The following FOXP1 variants were observed in gnomAD, a reference collection of about 807,000 sequenced individuals.
FOXP1 encodes the protein forkhead box protein P1.
In FOXP1, 15 loss-of-function variants were observed where a neutral mutation model predicts 98.2. The ratio of observed to expected loss-of-function variants is 0.15; its 90% confidence interval spans 0.10 to 0.24. The LOEUF is 0.24. FOXP1 is among the 10% of genes least tolerant of loss of function. The probability of loss-of-function intolerance (pLI) is 1.00; values close to 1 mark genes in which losing one functional copy is unlikely to be tolerated. For missense variants in FOXP1, 633 were observed against 848.5 expected (o/e 0.75, Z 3.15); for synonymous variants, 371 against 314.5 (o/e 1.18, Z -1.90).
chr3:71,558,802 C>CTTTTTTTTT (rs35405702), intron 2 of FOXP1, among the ~76,000 whole-genome samples: 40 of 117,540 alleles, frequency 3.4e-4, no homozygotes, highest in African/African-American at 1.3e-3. Context: ...CCGATTCTCA[C>CTTTTTTTTT]TTTTTTTTTT....
chr3:71,343,368 C>G (rs758273901), intron 4 of FOXP1, among the ~76,000 whole-genome samples: 5 of 152,052 alleles, frequency 3.3e-5, no homozygotes, highest in African/African-American at 4.8e-5. Context: ...TCAGGTGCTA[C>G]TGACGATGCC....
intron 4 of FOXP1, among the ~76,000 whole-genome samples, chr3:71,314,530 A>ATAT (rs1553839965): frequency 2.4e-4 from 34 of 143,382 alleles, no homozygotes; most frequent in South Asian, 6.6e-4. Flanking sequence ...CCGTCTAAAA[A>ATAT]ATATATATAT....
intron 6 of FOXP1, among the ~76,000 whole-genome samples, chr3:71,139,380 T>C (rs778406202): frequency 1.6e-4 from 24 of 152,056 alleles, no homozygotes; most frequent in Non-Finnish European, 3.1e-4. Flanking sequence ...GCTTTAGGTA[T>C]AGAAATGATA....
chr3:71,275,014 G>A (rs775548566), intron 5 of FOXP1, among the ~76,000 whole-genome samples: 3 of 152,146 alleles, frequency 2.0e-5, no homozygotes, highest in Non-Finnish European at 4.4e-5. Context: ...CACAGCCCCT[G>A]GCAACTACCA....
intron 7 of FOXP1, among the ~76,000 whole-genome samples, chr3:71,061,667 T>C (rs2051503083): frequency 6.6e-6 from 1 of 152,186 alleles, no homozygotes; most frequent in Non-Finnish European, 1.5e-5. Context: ...TGCTACATTA[T>C]CCCTTGTTTG....
intron 3 of FOXP1, among the ~76,000 whole-genome samples, chr3:71,478,328 C>G (rs2090012135): frequency 6.6e-6 from 1 of 152,052 alleles, no homozygotes; most frequent in African/African-American, 2.4e-5. Flanking sequence ...AAAATATTCC[C>G]AGGATCATGC....
At chr3:71,498,720 G>C (rs1422984273) in intron 2 of FOXP1, among the ~76,000 whole-genome samples, 1 of 152,164 alleles carries the variant, frequency 6.6e-6, no homozygotes, top group Non-Finnish European at 1.5e-5. Context: ...TGAGCCTCCA[G>C]CAACTCACAG....
intron 3 of FOXP1, among the ~76,000 whole-genome samples, chr3:71,466,396 C>T (rs1302795839): frequency 6.6e-6 from 1 of 152,178 alleles, no homozygotes; most frequent in Non-Finnish European, 1.5e-5. Flanking sequence ...TAATGAAATT[C>T]ACAGTCAAGG....
intron 3 of FOXP1, among the ~76,000 whole-genome samples, chr3:71,406,431 G>A (rs985797937): frequency 7.3e-5 from 6 of 82,266 alleles, no homozygotes; most frequent in Non-Finnish European, 1.0e-4. Context: ...ATATGGTACA[G>A]TATGATTTTT....
At chr3:71,080,643 T>C (rs1372162682) in intron 7 of FOXP1, among the ~76,000 whole-genome samples, 1 of 152,250 alleles carries the variant, frequency 6.6e-6, no homozygotes, top group African/African-American at 2.4e-5. Flanking sequence ...TCTGCCTCTG[T>C]ACTGCTTTGA....
intron 6 of FOXP1, among the ~76,000 whole-genome samples, chr3:71,143,596 TA>T (rs1378205670): frequency 6.6e-6 from 1 of 152,144 alleles, no homozygotes; most frequent in Non-Finnish European, 1.5e-5. Context: ...GTAAGTCATT[TA>T]AAATACATAA....
chr3:71,366,657 T>C (rs1405643390), intron 3 of FOXP1, among the ~76,000 whole-genome samples: 1 of 152,200 alleles, frequency 6.6e-6, no homozygotes, highest in Admixed American at 6.5e-5. Context: ...AGAAGAAACA[T>C]TTTGCACATT....
intron 4 of FOXP1, among the ~76,000 whole-genome samples, chr3:71,302,364 C>T (rs574947443): frequency 6.6e-5 from 10 of 151,960 alleles, no homozygotes; most frequent in Non-Finnish European, 1.0e-4. Context: ...TTCATTTTTT[C>T]CAAAGCATAC....
intron 9 of FOXP1, among the ~76,000 whole-genome samples, chr3:71,051,189 A>G (rs1373484809): frequency 2.0e-5 from 3 of 152,182 alleles, no homozygotes; most frequent in Admixed American, 1.3e-4. Context: ...AATTACTGTT[A>G]GTCCTTTAGA....
intron 3 of FOXP1, among the ~76,000 whole-genome samples, chr3:71,484,151 C>G (rs1025021465): frequency 3.3e-5 from 5 of 152,180 alleles, no homozygotes; most frequent in Admixed American, 2.6e-4. Context: ...TTTTAATATG[C>G]ATATCCATAG....
intron 2 of FOXP1, among the ~76,000 whole-genome samples, chr3:71,521,736 T>C (rs2043006357): frequency 6.6e-6 from 1 of 152,250 alleles, no homozygotes; most frequent in Non-Finnish European, 1.5e-5. Context: ...TTCTGGTTTC[T>C]TTGGAAGATA....
rs1485618636 is a variant in FOXP1, at chr3:71,583,122, A to C, written c.-447+449T>G. 2.6e-5 allele frequency among the ~76,000 whole-genome samples: 4 copies of C among 151,876 alleles called. No homozygotes were observed. In the East Asian group the frequency reaches 5.8e-4, roughly 22 times the overall value. On this transcript the variant is annotated intron_variant, in intron 1 of 20. Transcript: ENST00000649528. ...ACCGGACGCCAACGCCGGACATCGA[A>C]AGTTGCGCCAGGCGGCCTGGGCTTA...
chr3:71,148,238 A>C (rs1246428374), intron 6 of FOXP1, among the ~76,000 whole-genome samples: 1 of 152,170 alleles, frequency 6.6e-6, no homozygotes, highest in Non-Finnish European at 1.5e-5. Flanking sequence ...TTAGCCGGGC[A>C]TGGTGACAGG....
Position 71,232,968 on chromosome 3 carries a change from C to G in FOXP1, c.-11-34576G>C, listed in dbSNP as rs1017131591. ...ACCACCACCACCACCACCACGACTA[C>G]TACTACTACTACTACTAATAATAAT... On this transcript the variant is annotated intron_variant, in intron 5 of 20. Transcript: ENST00000649528. 2.7e-5 allele frequency among the ~76,000 whole-genome samples: 4 copies of G among 149,034 alleles called. No individual in the cohort carries two copies. In the East Asian group the frequency reaches 8.0e-4, roughly 30 times the overall value.
Sources: gnomAD v4.1 joint callset for allele counts (sites outside exome capture counted in the v4.1 genomes callset) on GRCh38, gnomAD v4.1.1 for gene constraint, MANE v1.5 for transcripts, NCBI Gene and HGNC (gene_info 2026-07-23, HGNC 2026-07-21) for gene names.